Variants in SEMA3F observed in about 807,000 individuals in gnomAD.
The protein encoded by SEMA3F is semaphorin-3F.
A neutral mutation model predicts 98.5 loss-of-function variants in SEMA3F; 30 were observed. The observed-to-expected ratio is 0.30, with a 90% CI of 0.23 to 0.41. The LOEUF (loss-of-function observed/expected upper bound fraction) is 0.41. Among genes scored for constraint, SEMA3F ranks in the 10% least tolerant of loss-of-function variants. The pLI is 1.00. For synonymous variants in SEMA3F, 380 were observed against 444.8 expected (o/e 0.85, Z 1.83); for missense variants, 866 against 1,119.3 (o/e 0.77, Z 3.23).
Position 50,185,958 on chromosome 3 carries a change from G to C in SEMA3F, c.1657G>C (p.Ala553Pro). ...CCTGCACCGCTGCCAGGCGTATGGG[G>C]CTGCCTGTGCTGACTGCTGCCTTGC... ...LSLHRCQAYG[A>P]ACADCCLARD... Residue 553 changes from alanine to proline, a missense_variant, in exon 16 of 19, where the codon GCT becomes CCT. Transcript: ENST00000002829. 1.2e-6 allele frequency: 2 copies of C among 1,614,070 alleles called. No individual in the cohort carries two copies. The highest frequency in any genetic ancestry group is 1.7e-6 in the Non-Finnish European group (2 of 1,179,992).
intron 2 of SEMA3F, among the ~76,000 whole-genome samples, chr3:50,169,864 G>A (rs1698536298): frequency 6.6e-6 from 1 of 152,186 alleles, no homozygotes; most frequent in African/African-American, 2.4e-5. Context: ...AGGGAGCTGG[G>A]GCCTGGTAGG....
chr3:50,159,374 C>A (rs1369722131), intron 1 of SEMA3F: 8 of 468,890 alleles, frequency 1.7e-5, no homozygotes, highest in Non-Finnish European at 1.5e-5. Context: ...TTCTGGTGAC[C>A]CCAGGCTGGG....
upstream of SEMA3F, chr3:50,155,090 A>AGAGC (rs1050348364): frequency 1.3e-4 from 52 of 403,272 alleles, no homozygotes; most frequent in African/African-American, 9.0e-4. The surrounding 1 kb of genome is among the most constrained non-coding windows in gnomAD (Gnocchi z 4.9). Context: ...CCGCGAGACC[A>AGAGC]GAGCGAGCGA....
intron 7 of SEMA3F, among the ~76,000 whole-genome samples, chr3:50,178,863 G>A (rs1231134392): frequency 9.0e-6 from 1 of 111,246 alleles, no homozygotes; most frequent in Non-Finnish European, 1.7e-5. Flanking sequence ...ATGGAGTCTC[G>A]CTCTGTCGCC....
intron 6 of SEMA3F, among the ~76,000 whole-genome samples, chr3:50,175,817 C>A (rs528674321): frequency 5.0e-4 from 76 of 152,118 alleles, no homozygotes; most frequent in Non-Finnish European, 6.8e-4. Context: ...GTGTGTGTGT[C>A]CATGGTGTGA....
rs753475270 is a variant in SEMA3F at position 50,183,412 on chromosome 3, G to A, written c.1089-8G>A. The A allele has an allele frequency of 1.2e-6, 2 of 1,613,874 alleles. No individual in the cohort carries two copies. The highest frequency in any genetic ancestry group is 1.7e-6 in the Non-Finnish European group (2 of 1,179,956). ...TGTCCTGCTCAGCAGCGCCTGCCAT[G>A]CCCACAGCTCCGTGTTCCGAGGCTC... On this transcript the variant is annotated splice_region_variant and splice_polypyrimidine_tract_variant and intron_variant, in intron 11 of 18. Transcript: ENST00000002829.
At chr3:50,168,559 G>A (rs1463030076) in intron 2 of SEMA3F, among the ~76,000 whole-genome samples, 2 of 152,146 alleles carry the variant, frequency 1.3e-5, no homozygotes, top group African/African-American at 2.4e-5. Context: ...CTGCCCCCCC[G>A]CTTAGCTTGG....
Position 50,155,717 on chromosome 3 carries a change from T to G in SEMA3F, c.-49+153T>G, listed in dbSNP as rs1433028090. 8.7e-6 allele frequency: 2 copies of G among 229,976 alleles called. No individual in the cohort carries two copies. Among genetic ancestry groups the G allele is most frequent in the Non-Finnish European group, 1.7e-5 (2 of 119,162 alleles). 14.2% of individuals were successfully genotyped at this position (229,976 alleles called of 1,614,324 possible). ...CCCGCGGACATAGGGGCAACAAGGC[T>G]GGGGTGGGATTCTTACCTGTCCTGG... is the stretch of plus-strand genomic sequence containing the variant. On this transcript the variant is annotated intron_variant, in intron 1 of 18. Coordinates refer to ENST00000002829, the MANE Select transcript of SEMA3F (RefSeq NM_004186.5). This position sits in a 1 kb window ranked among gnomAD's most constrained non-coding sequence, Gnocchi z 4.9.
Position 50,183,212 on chromosome 3 carries a change from G to C in SEMA3F, c.1045G>C (p.Asp349His). 1 of 1,614,170 alleles carries C rather than the reference G, an allele frequency of 6.2e-7. No individual in the cohort carries two copies. Among genetic ancestry groups the C allele is most frequent in the Non-Finnish European group, 8.5e-7 (1 of 1,180,036 alleles). ...LQDVFVQQTQ[D>H]VRNPVIYAVF... ...GGACGTGTTTGTCCAGCAGACCCAG[G>C]ACGTGAGGAACCCTGTCATTTACGC... Residue 349 changes from aspartate (D) to histidine (H), a missense_variant, in exon 11 of 19, where the codon GAC (aspartate) becomes CAC (histidine). By Grantham distance (81) the Asp-to-His change is moderately conservative (BLOSUM62 -1). Around this residue, in one of 3 missense-constraint regions of SEMA3F, gnomAD observed 374 missense variants for 582.8 expected, o/e 0.64. Coordinates refer to ENST00000002829, the MANE Select transcript of SEMA3F (RefSeq NM_004186.5).
chr3:50,182,166 G>A lies in SEMA3F; in HGVS notation c.644-118G>A. 7.7e-7 allele frequency: 1 copy of A among 1,299,918 alleles called. No individual in the cohort carries two copies. 80.5% of individuals were successfully genotyped at this position (1,299,918 alleles called of 1,614,324 possible). ...ACTGACCAGCACTCCACTGGAGATA[G>A]GATCATGCCCCAGGGAGCCTGAGCG... On this transcript the variant is annotated intron_variant, in intron 7 of 18. Transcript: ENST00000002829. The surrounding 1 kb of genome is among the most constrained non-coding windows in gnomAD (Gnocchi z 4.5).
At chr3:50,170,134 G>A (rs1368138960) in intron 2 of SEMA3F, among the ~76,000 whole-genome samples, 1 of 152,146 alleles carries the variant, frequency 6.6e-6, no homozygotes, top group Non-Finnish European at 1.5e-5. Flanking sequence ...AGTCTGGCAT[G>A]AGTGGGGTCA....
At position 50,184,781 on chromosome 3, in the gene SEMA3F, G is replaced by A; in HGVS notation, c.1423G>A (p.Asp475Asn). The A allele has an allele frequency of 3.7e-6, 6 of 1,614,022 alleles. No homozygotes were observed. The highest frequency in any genetic ancestry group is 5.1e-6 in the Non-Finnish European group (6 of 1,179,972). Residue 475 changes from aspartate (D) to asparagine (N), a missense_variant, in exon 13 of 19, where the codon GAC (aspartate) becomes AAC (asparagine). Asp to Asn is a conservative substitution (Grantham distance 23, BLOSUM62 1). Around this residue, in one of 3 missense-constraint regions of SEMA3F, gnomAD observed 374 missense variants for 582.8 expected, o/e 0.64. Transcript: ENST00000002829. ...TIAVDQVDAA[D>N]GRYEVLFLGT... ...TGCCGTGGACCAGGTGGATGCAGCCGACGGGCGCTATGAGGTGCTTTTCCT... is the reference window on the plus strand; with the variant it reads ...TGCCGTGGACCAGGTGGATGCAGCCAACGGGCGCTATGAGGTGCTTTTCCT...
In SEMA3F at chr3:50,156,498, T is replaced by C. The variant is rs1263983643; in HGVS notation, c.-49+934T>C. On this transcript the variant is annotated intron_variant, in intron 1 of 18. Transcript: ENST00000002829. This position sits in a 1 kb window ranked among gnomAD's most constrained non-coding sequence, Gnocchi z 4.5. ...ATGTCCACCCTGAAGCTGGGCCAGG[T>C]TGGGGACCTCTGTCCTCCTGAATTC... Among the ~76,000 whole-genome samples, 1 of 152,152 alleles carries C rather than the reference T, an allele frequency of 6.6e-6. No homozygotes were observed. The highest frequency in any genetic ancestry group is 6.5e-5 in the Admixed American group (1 of 15,288).
chr3:50,163,322 G>C (rs1191840296), intron 2 of SEMA3F, among the ~76,000 whole-genome samples: 1 of 152,194 alleles, frequency 6.6e-6, no homozygotes, highest in Admixed American at 6.5e-5. Context: ...CCATCACTCT[G>C]GCCCTTCCAC....
At chr3:50,184,998 C>T (rs1251131733) in intron 13 of SEMA3F, among the ~76,000 whole-genome samples, 184 bp downstream of exon 13, 4 of 152,188 alleles carry the variant, frequency 2.6e-5, no homozygotes, top group Non-Finnish European at 5.9e-5. Context: ...GAGAAAACCC[C>T]ATTCCCACTT....
intron 7 of SEMA3F, among the ~76,000 whole-genome samples, chr3:50,178,577 C>G (rs1403526786): frequency 1.3e-5 from 2 of 151,382 alleles, no homozygotes; most frequent in African/African-American, 2.4e-5. Context: ...CAAAAATTAG[C>G]CAGGTGTGGT....
rs1698414385 is a variant in SEMA3F, at chr3:50,166,601, A to G, written c.112+6867A>G. Among the ~76,000 whole-genome samples the G allele has an allele frequency of 6.6e-6, 1 of 152,074 alleles. No individual in the cohort carries two copies. Among genetic ancestry groups the G allele is most frequent in the Non-Finnish European group, 1.5e-5 (1 of 68,026 alleles). Reference sequence around the variant, plus strand: ...GTCTGCCCTGTGCCTCGGTTTCTCCATCAGAATGTTGGGGAGGGGCTAAGA... The same window carrying G: ...GTCTGCCCTGTGCCTCGGTTTCTCCGTCAGAATGTTGGGGAGGGGCTAAGA... On this transcript the variant is annotated intron_variant, in intron 2 of 18. Coordinates refer to ENST00000002829, the MANE Select transcript of SEMA3F (RefSeq NM_004186.5). The surrounding 1 kb of genome is among the most constrained non-coding windows in gnomAD (Gnocchi z 4.7).
intron 2 of SEMA3F, among the ~76,000 whole-genome samples, chr3:50,165,754 G>A (rs1044114580): frequency 7.2e-5 from 11 of 152,244 alleles, no homozygotes; most frequent in Non-Finnish European, 1.2e-4. Context: ...AGCTCACGTG[G>A]GTGCCAGAGC....
chr3:50,159,794 C>T, intron 2 of SEMA3F, 60 bp downstream of exon 2: 2 of 1,118,244 alleles, frequency 1.8e-6, no homozygotes, highest in South Asian at 1.3e-5. Flanking sequence ...GCGCTCGGCT[C>T]CTCTGCACAC....
Sources: allele counts gnomAD v4.1 joint callset (sites outside exome capture counted in the v4.1 genomes callset), GRCh38; gene constraint gnomAD v4.1.1; regional missense constraint gnomAD v4.1.1; non-coding constraint Gnocchi (gnomAD v3.1); transcripts MANE v1.5; gene names NCBI Gene and HGNC (gene_info 2026-07-23, HGNC 2026-07-21).